Variants in FBXO11 observed in about 807,000 individuals in gnomAD.
FBXO11 encodes F-box only protein 11.
In FBXO11, 13 loss-of-function variants were observed where a neutral mutation model predicts 117.0. That is an observed-to-expected ratio of 0.11 (90% CI 0.07 to 0.18). The LOEUF is 0.18. Among genes scored for constraint, FBXO11 ranks in the 10% least tolerant of loss-of-function variants. FBXO11 has a pLI of 1.00. For synonymous variants in FBXO11, 490 were observed against 380.5 expected, an observed-to-expected ratio of 1.29 and a Z score of -3.35; for missense variants, 767 against 1,164.4, an observed-to-expected ratio of 0.66 and a Z score of 4.97.
In FBXO11 at chr2:47,838,786, T is replaced by C. The variant is rs555429409; in HGVS notation, c.587+73A>G. On this transcript the variant is annotated intron_variant, in intron 4 of 22. Coordinates refer to ENST00000403359, the MANE Select transcript of FBXO11 (RefSeq NM_001190274.2). Reference sequence around the variant, plus strand: ...GTAACTACCAACTCACCGCACCGACTTTCCTACCATGTTTAGCATTTTGGG... The same window carrying C: ...GTAACTACCAACTCACCGCACCGACCTTCCTACCATGTTTAGCATTTTGGG... 6 of 1,460,150 alleles carry C rather than the reference T, an allele frequency of 4.1e-6. No homozygotes were observed. The African/African-American group carries it at 5.6e-5, about 14-fold the overall frequency. The allele number at this position is 1,460,150 out of a possible 1,614,324, so 90.4% of individuals were successfully genotyped here.
In FBXO11 at chr2:47,861,425, C is replaced by T. The variant is rs565078407; in HGVS notation, c.233-21656G>A. On this transcript the variant is annotated intron_variant, in intron 1 of 22. Coordinates refer to ENST00000403359, the MANE Select transcript of FBXO11 (RefSeq NM_001190274.2). ...CCTCGATCTCCTGGGCTCAAGTGAT[C>T]CTTCCACCTCAGCCTCCCAAGTAGC... is the stretch of plus-strand genomic sequence containing the variant. Among the ~76,000 whole-genome samples, 3 of 150,936 alleles carry T rather than the reference C, an allele frequency of 2.0e-5. No homozygotes were observed. The East Asian group carries it at 5.9e-4, about 30-fold the overall frequency.
At chr2:47,899,273 C>CA (rs376186704) in intron 1 of FBXO11, among the ~76,000 whole-genome samples, 14,483 of 59,806 alleles carry the variant, frequency 0.24, 1,235 homozygotes, top group Non-Finnish European at 0.29. Context: ...GACTCCGTCT[C>CA]AAAAAAAAAA....
chr2:47,857,952 C>T (rs2103714133), intron 1 of FBXO11, among the ~76,000 whole-genome samples: 1 of 152,094 alleles, frequency 6.6e-6, no homozygotes, highest in Non-Finnish European at 1.5e-5. Context: ...TATATATACA[C>T]ACACACATAC....
intron 1 of FBXO11, among the ~76,000 whole-genome samples, chr2:47,886,375 G>A (rs554334009): frequency 6.6e-6 from 1 of 151,864 alleles, no homozygotes; most frequent in Non-Finnish European, 1.5e-5. Context: ...GCATGGTGGC[G>A]TGTGCCTGTA....
At chr2:47,840,817 C>T (rs1012232675) in intron 1 of FBXO11, among the ~76,000 whole-genome samples, 48 of 144,682 alleles carry the variant, frequency 3.3e-4, no homozygotes, top group African/African-American at 1.2e-3. Flanking sequence ...TCAGTCAATC[C>T]ATCCATCTAT....
intron 11 of FBXO11, among the ~76,000 whole-genome samples, chr2:47,832,144 C>T (rs951743787): frequency 3.3e-5 from 5 of 152,054 alleles, no homozygotes; most frequent in African/African-American, 9.7e-5. Flanking sequence ...TGCCTAAGAA[C>T]GCTATCACCT....
chr2:47,865,891 A>G (rs1675157703), intron 1 of FBXO11: 1 of 152,256 alleles, frequency 6.6e-6, no homozygotes, highest in South Asian at 2.1e-4. Context: ...TGTGAGGATT[A>G]ACTATGATAA....
chr2:47,866,267 A>G (rs1675188679), intron 1 of FBXO11, among the ~76,000 whole-genome samples: 1 of 149,506 alleles, frequency 6.7e-6, no homozygotes, highest in Admixed American at 6.6e-5. Flanking sequence ...AAAAAAAAAA[A>G]GTGGGAAAGG....
chr2:47,869,748 CG>C (rs1675479853), intron 1 of FBXO11, among the ~76,000 whole-genome samples: 1 of 152,228 alleles, frequency 6.6e-6, no homozygotes, highest in Admixed American at 6.5e-5. Context: ...ACCCCACTCA[CG>C]TGTTTTGCAT....
intron 1 of FBXO11, among the ~76,000 whole-genome samples, chr2:47,850,133 C>G (rs1468470437): frequency 6.6e-6 from 1 of 152,048 alleles, no homozygotes; most frequent in Non-Finnish European, 1.5e-5. Context: ...CAAGATAAAG[C>G]TCATAAAACT....
chr2:47,840,706 G>C (rs1451399873), intron 1 of FBXO11, among the ~76,000 whole-genome samples: 3 of 151,514 alleles, frequency 2.0e-5, no homozygotes, highest in African/African-American at 7.3e-5. Context: ...CTCCCACCTT[G>C]GCCTCCAAAG....
intron 11 of FBXO11, among the ~76,000 whole-genome samples, chr2:47,829,760 G>C (rs1672044006): frequency 6.6e-6 from 1 of 151,816 alleles, no homozygotes; most frequent in Non-Finnish European, 1.5e-5. Context: ...ATTTACAAGA[G>C]ATGATGAAGT....
intron 4 of FBXO11, chr2:47,837,075 A>C (rs538797860): frequency 5.4e-4 from 125 of 232,548 alleles, no homozygotes; most frequent in Middle Eastern, 9.5e-4. Flanking sequence ...TTTGAACTTA[A>C]TTTGTCCTAT....
At chr2:47,868,350 C>A (rs1411831443) in intron 1 of FBXO11, among the ~76,000 whole-genome samples, 2 of 148,948 alleles carry the variant, frequency 1.3e-5, no homozygotes, top group Non-Finnish European at 3.0e-5. Context: ...TCATGTTCTT[C>A]TCATTATTCC....
At chr2:47,853,624 T>A (rs1007511496) in intron 1 of FBXO11, among the ~76,000 whole-genome samples, 7 of 152,198 alleles carry the variant, frequency 4.6e-5, no homozygotes, top group African/African-American at 1.7e-4. Context: ...TTAGCCTCTT[T>A]AACTTAAGCT....
At position 47,807,334 on chromosome 2, in the gene FBXO11, C is replaced by CT; in HGVS notation, c.*783dup. 4.7e-6 allele frequency: 1 copy of CT among 213,368 alleles called. No homozygotes were observed. Among genetic ancestry groups the CT allele is most frequent in the Admixed American group, 5.8e-5 (1 of 17,366 alleles). The allele number at this position is 213,368 out of a possible 1,614,324, so 13.2% of individuals were successfully genotyped here. A position where few individuals can be genotyped will look rare whatever the true frequency, so the allele number is the denominator to read the frequency against. ...TTCACAAAACTGAGTTACAAGAATA[C>CT]TTTTGTTTTACAGTGCATCCCTTCC... On this transcript the variant is annotated 3_prime_UTR_variant, in exon 23 of 23. Coordinates refer to ENST00000403359, the MANE Select transcript of FBXO11 (RefSeq NM_001190274.2).
intron 1 of FBXO11, among the ~76,000 whole-genome samples, chr2:47,900,653 TATACACACACGTACGTATATACAC>T (rs1678091830): frequency 3.5e-5 from 4 of 113,484 alleles, no homozygotes; most frequent in East Asian, 4.1e-4. Context: ...TATACACACG[TATACACACACGTACGTATATACAC>T]ACGTATACAC....
chr2:47,858,072 C>T (rs968255247), intron 1 of FBXO11, among the ~76,000 whole-genome samples: 6 of 151,852 alleles, frequency 4.0e-5, no homozygotes, highest in Admixed American at 1.3e-4. Context: ...TATAAAAGAG[C>T]GTAAACTAGA....
intron 1 of FBXO11, among the ~76,000 whole-genome samples, chr2:47,843,788 T>A (rs182517118): frequency 1.3e-5 from 2 of 152,200 alleles, no homozygotes; most frequent in African/African-American, 4.8e-5. Context: ...TTGCCCAGGT[T>A]GGAGTGCAAT....
Sources: gnomAD v4.1 joint callset for allele counts (sites outside exome capture counted in the v4.1 genomes callset) on GRCh38, gnomAD v4.1.1 for gene constraint, MANE v1.5 for transcripts, NCBI Gene and HGNC (gene_info 2026-07-23, HGNC 2026-07-21) for gene names.